The following FAT3 variants were observed in gnomAD, a reference collection of about 807,000 sequenced individuals.
The protein encoded by FAT3 is FAT atypical cadherin 3, also known as protocadherin Fat 3.
A neutral mutation model predicts 310.2 loss-of-function variants in FAT3; 95 were observed. The observed-to-expected ratio is 0.31, with a 90% CI of 0.26 to 0.36. The LOEUF (loss-of-function observed/expected upper bound fraction) is 0.36, where lower values mean the gene tolerates loss of function less well. Among genes scored for constraint, FAT3 ranks in the 10% least tolerant of loss-of-function variants. The pLI, the probability that FAT3 is intolerant of heterozygous loss-of-function variation, is 1.00. For synonymous variants in FAT3, 2,314 were observed against 2,192.9 expected, an observed-to-expected ratio of 1.06 and a Z score of -1.54; for missense variants, 5,408 against 5,715.6, an observed-to-expected ratio of 0.95 and a Z score of 1.74.
At chr11:92,314,178 G>A (rs181499585) in intron 1 of FAT3, 25 of 355,954 alleles carry the variant, frequency 7.0e-5, no homozygotes, top group Non-Finnish European at 2.4e-5. Context: ...GACTACAAAA[G>A]ATGATTAGAT....
rs547672562 is a variant in FAT3, at chr11:92,768,747, G to A, written c.4195+3658G>A. On this transcript the variant is annotated intron_variant, in intron 6 of 27. Coordinates refer to ENST00000525166, the MANE Select transcript of FAT3 (RefSeq NM_001367949.2). ...AATGCCTGGAATAGGCACTAGGTATGTAATATCAGCATGGATCTGAAATGA... is the reference window on the plus strand; with the variant it reads ...AATGCCTGGAATAGGCACTAGGTATATAATATCAGCATGGATCTGAAATGA... Among the ~76,000 whole-genome samples, 5 of 152,238 alleles carry A rather than the reference G, an allele frequency of 3.3e-5. No homozygotes were observed. The East Asian group carries it at 9.7e-4, about 29-fold the overall frequency.
At chr11:92,815,332 T>C (rs977049332) in intron 13 of FAT3, among the ~76,000 whole-genome samples, 4 of 152,016 alleles carry the variant, frequency 2.6e-5, no homozygotes, top group Non-Finnish European at 5.9e-5. Flanking sequence ...CCCAGCACTT[T>C]GGAGGCTGAG....
At chr11:92,563,274 C>G (rs888555227) in intron 3 of FAT3, among the ~76,000 whole-genome samples, 6 of 151,962 alleles carry the variant, frequency 3.9e-5, no homozygotes, top group Admixed American at 3.3e-4. Flanking sequence ...TATATATAAG[C>G]AACAGCAAAT....
chr11:92,740,378 T>C (rs1565555639), intron 4 of FAT3, among the ~76,000 whole-genome samples: 1 of 152,216 alleles, frequency 6.6e-6, no homozygotes. Context: ...GTTTGGCTTT[T>C]GACATCCGCA....
At chr11:92,573,167 G>A (rs1938273226) in intron 3 of FAT3, among the ~76,000 whole-genome samples, 1 of 152,152 alleles carries the variant, frequency 6.6e-6, no homozygotes, top group South Asian at 2.1e-4. Context: ...TTTCTCATAA[G>A]CCAACATACT....
chr11:92,366,511 A>T, intron 2 of FAT3: 1 of 475,434 alleles, frequency 2.1e-6, no homozygotes, highest in Non-Finnish European at 4.2e-6. Flanking sequence ...TCTTGGCCTT[A>T]CCCTCGGCAG....
At position 92,797,957 on chromosome 11, in the gene FAT3, C is replaced by T. The variant is rs769296023; in HGVS notation, c.4944C>T (p.Ser1648=). The part of the protein sequence containing the change: ...VLSIKVTDQG[S]PPMSATAIVR... Reference sequence around the variant, plus strand: ...CCATCAAAGTCACAGATCAGGGATCCCCGCCAATGTCTGCTACTGCAATTG... The same window carrying T: ...CCATCAAAGTCACAGATCAGGGATCTCCGCCAATGTCTGCTACTGCAATTG... The change falls in exon 10 of 28, where the codon TCC becomes TCT. Residue 1648 remains serine, a synonymous_variant. Transcript: ENST00000525166. The T allele has an allele frequency of 6.2e-7, 1 of 1,613,882 alleles. No homozygotes were observed. Among genetic ancestry groups the T allele is most frequent in the East Asian group, 2.2e-5 (1 of 44,854 alleles).
At chr11:92,294,549 A>G (rs1357344841) in intron 1 of FAT3, among the ~76,000 whole-genome samples, 1 of 152,046 alleles carries the variant, frequency 6.6e-6, no homozygotes, top group Admixed American at 6.6e-5. Flanking sequence ...TTGGGAAGTG[A>G]TTTGTGAGCC....
chr11:92,351,116 C>G (rs2134625930), intron 1 of FAT3, among the ~76,000 whole-genome samples: 1 of 152,232 alleles, frequency 6.6e-6, no homozygotes, highest in South Asian at 2.1e-4. Flanking sequence ...TTGGAAGTAT[C>G]TCTTGTAATT....
intron 2 of FAT3, among the ~76,000 whole-genome samples, chr11:92,436,073 C>T (rs1950932802): frequency 6.6e-6 from 1 of 152,038 alleles, no homozygotes; most frequent in Non-Finnish European, 1.5e-5. Flanking sequence ...CAGAAGGGCT[C>T]TTTATTCTCT....
chr11:92,508,580 A>G (rs1468037120), intron 2 of FAT3, among the ~76,000 whole-genome samples: 1 of 152,132 alleles, frequency 6.6e-6, no homozygotes, highest in African/African-American at 2.4e-5. Flanking sequence ...TTTTAAGAGT[A>G]TATTTTGTCC....
chr11:92,879,779 C>CA, intron 22 of FAT3, among the ~76,000 whole-genome samples: 1 of 151,936 alleles, frequency 6.6e-6, no homozygotes, highest in East Asian at 1.9e-4. Flanking sequence ...AAAATAATCA[C>CA]AAAAATAGTC....
chr11:92,339,338 A>G (rs1387558232), intron 1 of FAT3, among the ~76,000 whole-genome samples: 2 of 152,158 alleles, frequency 1.3e-5, no homozygotes, highest in African/African-American at 4.8e-5. Context: ...ATGGGAAAAC[A>G]CTGATCTAAT....
At chr11:92,771,068 G>A (rs777684440) in intron 6 of FAT3, among the ~76,000 whole-genome samples, 11 of 152,002 alleles carry the variant, frequency 7.2e-5, no homozygotes, top group African/African-American at 1.2e-4. Flanking sequence ...CATCTCTGCC[G>A]CACACCCCTG....
At chr11:92,279,033 T>C (rs908876898) in intron 1 of FAT3, among the ~76,000 whole-genome samples, 1 of 152,128 alleles carries the variant, frequency 6.6e-6, no homozygotes, top group African/African-American at 2.4e-5. Flanking sequence ...AAATAGGAAA[T>C]GGCCATACCA....
chr11:92,724,765 A>C (rs1316714518), intron 4 of FAT3, among the ~76,000 whole-genome samples: 1 of 152,204 alleles, frequency 6.6e-6, no homozygotes, highest in Non-Finnish European at 1.5e-5. Context: ...TTTTGCTTCA[A>C]ACTGTTGCCA....
In FAT3 at chr11:92,232,628, G is replaced by GTTTTTTTT. The variant is rs56273706; in HGVS notation, c.-18+7473_-18+7480dup. Among the ~76,000 whole-genome samples, 119 of 74,754 alleles carry GTTTTTTTT rather than the reference G, an allele frequency of 1.6e-3. 1 individual carries two copies. Among genetic ancestry groups the GTTTTTTTT allele is most frequent in the Middle Eastern group, 0.014 (1 of 70 alleles). The allele number at this position is 74,754 out of a possible 152,430, so 49.0% of individuals were successfully genotyped here. On this transcript the variant is annotated intron_variant, in intron 1 of 27. Coordinates refer to ENST00000525166, the MANE Select transcript of FAT3 (RefSeq NM_001367949.2). ...TGTGCTTCTTGACTTCAGTGATGTC[G>GTTTTTTTT]TTTTTTTTTTTTTTTTTTTTTTTTT...
intron 1 of FAT3, among the ~76,000 whole-genome samples, chr11:92,258,457 CAAG>C (rs1159188674): frequency 1.3e-5 from 2 of 151,940 alleles, no homozygotes; most frequent in African/African-American, 4.8e-5. Context: ...TTGATTGTGC[CAAG>C]AAGGAGATGT....
At chr11:92,431,583 G>C (rs966524747) in intron 2 of FAT3, among the ~76,000 whole-genome samples, 8 of 152,026 alleles carry the variant, frequency 5.3e-5, no homozygotes, top group African/African-American at 1.7e-4. Context: ...TGAAGTCCTT[G>C]CCCATGCCTA....
Sources: gnomAD v4.1 joint callset for allele counts (sites outside exome capture counted in the v4.1 genomes callset) on GRCh38, gnomAD v4.1.1 for gene constraint, MANE v1.5 for transcripts, NCBI Gene and HGNC (gene_info 2026-07-23, HGNC 2026-07-21) for gene names.